DENND1B: variants seen among roughly 807,000 people sequenced by gnomAD.
DENND1B encodes DENN domain-containing protein 1B.
DENND1B carries 59 observed loss-of-function variants against 90.1 expected under a neutral mutation model. The ratio of observed to expected loss-of-function variants is 0.65; its 90% confidence interval spans 0.53 to 0.81. The LOEUF is 0.81. DENND1B is among the 40% of genes least tolerant of loss of function. The probability of loss-of-function intolerance (pLI) is 0.00; values close to 1 mark genes in which losing one functional copy is unlikely to be tolerated. For synonymous variants in DENND1B, 337 were observed against 324.6 expected (o/e 1.04, Z -0.41); for missense variants, 862 against 912.6 (o/e 0.94, Z 0.71).
At chr1:197,726,003 T>C (rs1558448437) in intron 2 of DENND1B, among the ~76,000 whole-genome samples, 1 of 151,376 alleles carries the variant, frequency 6.6e-6, no homozygotes, top group African/African-American at 2.4e-5. Context: ...TATATACATA[T>C]ACACACACAC....
chr1:197,560,529 A>T (rs935386580), intron 15 of DENND1B, among the ~76,000 whole-genome samples: 2 of 151,868 alleles, frequency 1.3e-5, no homozygotes. Context: ...TGAAGACAGC[A>T]TTTAAGCCAA....
At chr1:197,616,273 T>A (rs1443189993) in intron 11 of DENND1B, among the ~76,000 whole-genome samples, 1 of 151,090 alleles carries the variant, frequency 6.6e-6, no homozygotes, top group Admixed American at 6.6e-5. Context: ...TACAAAGATC[T>A]ACTGCATATG....
At chr1:197,519,085 T>C (rs1002758411) in intron 20 of DENND1B, among the ~76,000 whole-genome samples, 2 of 151,976 alleles carry the variant, frequency 1.3e-5, no homozygotes, top group Admixed American at 1.3e-4. Context: ...AGTGAAGATG[T>C]AATTATTACA....
At chr1:197,707,670 T>C (rs1659716387) in intron 3 of DENND1B, among the ~76,000 whole-genome samples, 2 of 145,070 alleles carry the variant, frequency 1.4e-5, no homozygotes, top group Non-Finnish European at 3.0e-5. Context: ...ACATATATAA[T>C]ATAATAATAT....
chr1:197,628,844 AC>A (rs1679047737), intron 10 of DENND1B, among the ~76,000 whole-genome samples: 1 of 151,836 alleles, frequency 6.6e-6, no homozygotes, highest in African/African-American at 2.4e-5. Context: ...AAAACAAACA[AC>A]CCCATCAAAA....
In DENND1B at chr1:197,505,900, AT is replaced by A. The variant is rs376206815; in HGVS notation, c.*4559del. The A allele has an allele frequency of 7.8e-4, 102 of 130,440 alleles. No individual in the cohort carries two copies. In the East Asian group the frequency reaches 0.023, roughly 30 times the overall value. The allele number at this position is 130,440 out of a possible 1,614,324, so 8.1% of individuals were successfully genotyped here. ...AGAATCAGCAATTTGTACCGTATATATTTCTTTTAAAGTAACAGTATTGTCA... is the reference window on the plus strand; with the variant it reads ...AGAATCAGCAATTTGTACCGTATATATTCTTTTAAAGTAACAGTATTGTCA... On this transcript the variant is annotated 3_prime_UTR_variant, in exon 23 of 23. Coordinates refer to ENST00000620048, the MANE Select transcript of DENND1B (RefSeq NM_001195215.2).
At chr1:197,584,700 G>C (rs1002644789) in intron 14 of DENND1B, among the ~76,000 whole-genome samples, 9 of 152,060 alleles carry the variant, frequency 5.9e-5, no homozygotes, top group Non-Finnish European at 1.0e-4. Context: ...TGGGGAGGGT[G>C]TCATTCTGCC....
intron 15 of DENND1B, among the ~76,000 whole-genome samples, chr1:197,555,087 C>T (rs1258814760): frequency 1.3e-5 from 2 of 151,932 alleles, no homozygotes; most frequent in African/African-American, 4.8e-5. Context: ...TGGTGAAAGA[C>T]ACCCTTTTCA....
At position 197,729,373 on chromosome 1, in the gene DENND1B, T is replaced by TA. The variant is rs542490328; in HGVS notation, c.83-14300dup. ...TATCAATTTTTCACAGTAAATGTCATAAACTTTATTTGCTTATTTTAATGT... is the reference window on the plus strand; with the variant it reads ...TATCAATTTTTCACAGTAAATGTCATAAAACTTTATTTGCTTATTTTAATGT... On this transcript the variant is annotated intron_variant, in intron 2 of 22. Coordinates refer to ENST00000620048, the MANE Select transcript of DENND1B (RefSeq NM_001195215.2). 1.1e-4 allele frequency among the ~76,000 whole-genome samples: 17 copies of TA among 152,300 alleles called. No homozygotes were observed. The South Asian group carries it at 3.3e-3, about 30-fold the overall frequency.
intron 20 of DENND1B, among the ~76,000 whole-genome samples, chr1:197,526,061 TATGTTAGGAAAAC>T (rs1423300995): frequency 6.6e-6 from 1 of 152,142 alleles, no homozygotes; most frequent in African/African-American, 2.4e-5. Flanking sequence ...TCTAGTGTTT[TATGTTAGGAAAAC>T]ATGTTAGGAA....
intron 17 of DENND1B, 39 bp from the exon 18 acceptor site, chr1:197,546,029 T>A: frequency 6.5e-7 from 1 of 1,535,068 alleles, no homozygotes. Flanking sequence ...CAAAAACTTT[T>A]AGCTAAAATA....
At chr1:197,736,734 C>T (rs983781247) in intron 2 of DENND1B, among the ~76,000 whole-genome samples, 1 of 152,238 alleles carries the variant, frequency 6.6e-6, no homozygotes, top group Non-Finnish European at 1.5e-5. Flanking sequence ...CCTTTCCTTA[C>T]AAATGCCCAT....
chr1:197,520,772 T>C (rs1668716603), intron 20 of DENND1B, among the ~76,000 whole-genome samples: 1 of 151,850 alleles, frequency 6.6e-6, no homozygotes, highest in African/African-American at 2.4e-5. Flanking sequence ...AAGAATAAAA[T>C]GGGGAATTGG....
intron 12 of DENND1B, 131 bp from the exon 13 acceptor site, chr1:197,607,305 T>C (rs1460262916): frequency 1.9e-6 from 1 of 524,084 alleles, no homozygotes; most frequent in African/African-American, 2.0e-5. Context: ...TCCTATATTA[T>C]GAAAGGATAG....
At chr1:197,703,075 C>T (rs564896233) in intron 3 of DENND1B, among the ~76,000 whole-genome samples, 235 of 152,144 alleles carry the variant, frequency 1.5e-3, no homozygotes, top group African/African-American at 5.5e-3. Context: ...GCAACCTCCG[C>T]CTCCCTGGTT....
At chr1:197,754,768 A>G (rs143448497) in intron 2 of DENND1B, among the ~76,000 whole-genome samples, 37 of 152,246 alleles carry the variant, frequency 2.4e-4, no homozygotes, top group African/African-American at 8.7e-4. Flanking sequence ...ATAATAGGAT[A>G]CCATGAACAG....
Position 197,560,230 on chromosome 1 carries a change from T to C in DENND1B, c.1150-7118A>G, listed in dbSNP as rs542574539. Among the ~76,000 whole-genome samples, 67 of 152,096 alleles carry C rather than the reference T, an allele frequency of 4.4e-4. 1 individual carries two copies. The South Asian group carries it at 0.012, about 28-fold the overall frequency. ...CCAGACCAAAAGAATCAACTAATTA[T>C]ATTATTCAGGGAATATTTCGCTGAA... On this transcript the variant is annotated intron_variant, in intron 15 of 22. Transcript: ENST00000620048.
intron 14 of DENND1B, among the ~76,000 whole-genome samples, chr1:197,589,635 T>C (rs1385456074): frequency 3.3e-5 from 5 of 152,200 alleles, no homozygotes; most frequent in Non-Finnish European, 7.4e-5. Context: ...GTGTTTAAAT[T>C]GCTTGAGCTT....
intron 13 of DENND1B, among the ~76,000 whole-genome samples, chr1:197,602,787 CAAATT>C (rs1676322063): frequency 6.6e-6 from 1 of 151,320 alleles, no homozygotes; most frequent in African/African-American, 2.4e-5. Context: ...AACTTATCCC[CAAATT>C]AATAAATTCA....
Sources: gnomAD v4.1 joint callset for allele counts (sites outside exome capture counted in the v4.1 genomes callset) on GRCh38, gnomAD v4.1.1 for gene constraint, MANE v1.5 for transcripts, NCBI Gene and HGNC (gene_info 2026-07-23, HGNC 2026-07-21) for gene names.